SLC25A21: variants seen among roughly 807,000 people sequenced by gnomAD.
SLC25A21 encodes the protein mitochondrial 2-oxodicarboxylate carrier.
A neutral mutation model predicts 43.8 loss-of-function variants in SLC25A21; 47 were observed. That is an observed-to-expected ratio of 1.07 (90% CI 0.85 to 1.37). The LOEUF is 1.37. Ranked by LOEUF, SLC25A21 falls within the 40% of genes most tolerant of loss-of-function variation. The pLI is 0.00. For synonymous variants in SLC25A21, 131 were observed against 121.3 expected, an observed-to-expected ratio of 1.08 and a Z score of -0.52; for missense variants, 352 against 350.2, an observed-to-expected ratio of 1.00 and a Z score of -0.04.
intron 2 of SLC25A21, among the ~76,000 whole-genome samples, chr14:36,872,844 T>C (rs1216019014): frequency 6.6e-6 from 1 of 152,184 alleles, no homozygotes; most frequent in Non-Finnish European, 1.5e-5. Flanking sequence ...TCAATTCCAG[T>C]ACAACAAAAT....
intron 7 of SLC25A21, among the ~76,000 whole-genome samples, chr14:36,705,830 A>G (rs759656083): frequency 3.8e-4 from 58 of 152,208 alleles, no homozygotes; most frequent in Non-Finnish European, 5.6e-4. Context: ...GGGTAAGGGA[A>G]TTGAAACAAT....
At chr14:36,809,826 G>A (rs146983601) in intron 3 of SLC25A21, among the ~76,000 whole-genome samples, 109 of 152,328 alleles carry the variant, frequency 7.2e-4, no homozygotes, top group Non-Finnish European at 6.8e-4. Context: ...ATTGACTAGT[G>A]CTATCTTCCC....
At chr14:36,718,239 GA>G (rs1884228686) in intron 6 of SLC25A21, among the ~76,000 whole-genome samples, 2 of 152,170 alleles carry the variant, frequency 1.3e-5, no homozygotes, top group African/African-American at 2.4e-5. Flanking sequence ...TGATAATAGA[GA>G]GACAACTTGG....
chr14:37,023,061 C>G lies in SLC25A21; in HGVS notation c.71-148057G>C, dbSNP rs935298008. 2.6e-5 allele frequency among the ~76,000 whole-genome samples: 4 copies of G among 151,960 alleles called. No individual in the cohort carries two copies. In the East Asian group the frequency reaches 7.7e-4, roughly 29 times the overall value. On this transcript the variant is annotated intron_variant, in intron 1 of 9. Coordinates refer to ENST00000331299, the MANE Select transcript of SLC25A21 (RefSeq NM_030631.4). The stretch of plus-strand genomic sequence containing the variant: ...ACACAACACAACTCTCAAATTTTGC[C>G]TCTGATTTCTGTGATTACCAACAAG...
intron 7 of SLC25A21, among the ~76,000 whole-genome samples, chr14:36,705,306 A>G (rs1428433751): frequency 1.3e-5 from 2 of 151,956 alleles, no homozygotes; most frequent in Non-Finnish European, 2.9e-5. Flanking sequence ...CAGCCTCCCA[A>G]AGTGCTGGGA....
At chr14:37,022,757 AC>A (rs1227804330) in intron 1 of SLC25A21, among the ~76,000 whole-genome samples, 2 of 152,030 alleles carry the variant, frequency 1.3e-5, no homozygotes, top group Admixed American at 1.3e-4. Flanking sequence ...TCAGGGAACA[AC>A]CTTTGACTAT....
chr14:36,849,728 T>C (rs1158531249), intron 2 of SLC25A21, among the ~76,000 whole-genome samples: 3 of 152,168 alleles, frequency 2.0e-5, no homozygotes, highest in Non-Finnish European at 4.4e-5. Context: ...CTGGTGGCCC[T>C]TGAAAATCAG....
chr14:37,130,554 T>C (rs1405713326), intron 1 of SLC25A21, among the ~76,000 whole-genome samples: 1 of 152,156 alleles, frequency 6.6e-6, no homozygotes, highest in Non-Finnish European at 1.5e-5. Context: ...GGAAAAACAA[T>C]AAAGTGCATT....
At chr14:37,046,254 G>A (rs528045374) in intron 1 of SLC25A21, among the ~76,000 whole-genome samples, 1 of 152,228 alleles carries the variant, frequency 6.6e-6, no homozygotes, top group South Asian at 2.1e-4. Flanking sequence ...GTGCTATGAG[G>A]GGAAGGAATG....
chr14:36,711,136 C>T (rs1410855121), intron 7 of SLC25A21, among the ~76,000 whole-genome samples, 182 bp downstream of exon 7: 1 of 152,144 alleles, frequency 6.6e-6, no homozygotes, highest in South Asian at 2.1e-4. Flanking sequence ...CTTGATCTTT[C>T]TAAGACTCCA....
intron 3 of SLC25A21, among the ~76,000 whole-genome samples, chr14:36,736,571 G>A (rs1885049262): frequency 6.6e-6 from 1 of 151,926 alleles, no homozygotes; most frequent in South Asian, 2.1e-4. Context: ...TATTAGTTCT[G>A]TTCTTTCTGT....
intron 1 of SLC25A21, among the ~76,000 whole-genome samples, chr14:37,111,277 C>T (rs1373101762): frequency 6.6e-6 from 1 of 152,164 alleles, no homozygotes; most frequent in Non-Finnish European, 1.5e-5. Context: ...CAACCGTCTT[C>T]TGTCTTCTCC....
chr14:36,872,816 T>C (rs2138552254), intron 2 of SLC25A21, among the ~76,000 whole-genome samples: 1 of 152,314 alleles, frequency 6.6e-6, no homozygotes, highest in East Asian at 1.9e-4. Flanking sequence ...GTTATATCCA[T>C]TTCAAGAAGT....
At chr14:36,711,264 C>G in intron 7 of SLC25A21, 54 bp downstream of exon 7, 1 of 1,519,842 alleles carries the variant, frequency 6.6e-7, no homozygotes, top group South Asian at 1.2e-5. Flanking sequence ...ACAAACGGAG[C>G]TATCATCACT....
chr14:36,716,749 T>C (rs992156095), intron 6 of SLC25A21, among the ~76,000 whole-genome samples: 2 of 152,088 alleles, frequency 1.3e-5, no homozygotes, highest in Non-Finnish European at 2.9e-5. Flanking sequence ...GATTAGCTCA[T>C]GAGATCACAG....
chr14:36,704,891 C>T (rs1883442113), intron 7 of SLC25A21, among the ~76,000 whole-genome samples: 1 of 152,036 alleles, frequency 6.6e-6, no homozygotes, highest in Admixed American at 6.6e-5. Context: ...CAGGCAAAAT[C>T]ATGGAGTCTA....
chr14:37,140,676 T>C (rs1486403090), intron 1 of SLC25A21, among the ~76,000 whole-genome samples: 6 of 152,234 alleles, frequency 3.9e-5, no homozygotes, highest in Admixed American at 2.6e-4. Context: ...ATATGAAGTA[T>C]TTATTTATAA....
chr14:37,090,341 A>C (rs1166190493), intron 1 of SLC25A21, among the ~76,000 whole-genome samples: 1 of 152,244 alleles, frequency 6.6e-6, no homozygotes, highest in Non-Finnish European at 1.5e-5. Context: ...GTAAAACGGA[A>C]TGATGCAAGC....
intron 2 of SLC25A21, among the ~76,000 whole-genome samples, chr14:36,841,705 G>T (rs757947751): frequency 6.6e-6 from 1 of 152,104 alleles, no homozygotes; most frequent in African/African-American, 2.4e-5. Context: ...GCCCAAGAAC[G>T]TACGGTGGTT....
Sources: allele counts gnomAD v4.1 joint callset (sites outside exome capture counted in the v4.1 genomes callset), GRCh38; gene constraint gnomAD v4.1.1; transcripts MANE v1.5; gene names NCBI Gene and HGNC (gene_info 2026-07-23, HGNC 2026-07-21).